TINAG: variants seen among roughly 807,000 people sequenced by gnomAD.
TINAG encodes the protein tubulointerstitial nephritis antigen.
TINAG carries 83 observed loss-of-function variants against 72.7 expected under a neutral mutation model. That is an observed-to-expected ratio of 1.14 (90% CI 0.96 to 1.37). TINAG has a LOEUF of 1.37. Among genes scored for constraint, TINAG ranks in the 40% most tolerant of loss-of-function variants. The pLI, the probability that TINAG is intolerant of heterozygous loss-of-function variation, is 0.00. For missense variants in TINAG, 685 were observed against 576.6 expected (o/e 1.19, Z -1.93); for synonymous variants, 234 against 189.9 (o/e 1.23, Z -1.91).
chr6:54,362,864 T>C (rs1763282810), intron 9 of TINAG, among the ~76,000 whole-genome samples: 2 of 151,468 alleles, frequency 1.3e-5, no homozygotes, highest in Admixed American at 6.6e-5. Context: ...TTCGAGACTT[T>C]AGTGGAGAAA....
intron 10 of TINAG, among the ~76,000 whole-genome samples, chr6:54,384,633 A>G (rs1183778624): frequency 6.6e-6 from 1 of 152,176 alleles, no homozygotes; most frequent in Non-Finnish European, 1.5e-5. Context: ...AATTTTATAC[A>G]TGGTGACATT....
chr6:54,342,566 C>T (rs1306602312), intron 4 of TINAG, among the ~76,000 whole-genome samples: 1 of 152,056 alleles, frequency 6.6e-6, no homozygotes, highest in Non-Finnish European at 1.5e-5. Context: ...GACGGGTTTT[C>T]ACCATGTTGG....
intron 4 of TINAG, among the ~76,000 whole-genome samples, chr6:54,339,023 C>T (rs916874775): frequency 1.3e-5 from 2 of 152,168 alleles, no homozygotes; most frequent in Admixed American, 6.5e-5. Context: ...GGAAATATCA[C>T]AGTTCATCCA....
chr6:54,360,471 T>C (rs971466755), intron 9 of TINAG, among the ~76,000 whole-genome samples: 8 of 151,670 alleles, frequency 5.3e-5, no homozygotes, highest in East Asian at 1.9e-4. Flanking sequence ...CAACAAAATA[T>C]GGTATTTCAG....
At chr6:54,363,062 T>C (rs566506927) in intron 9 of TINAG, among the ~76,000 whole-genome samples, 103 of 151,614 alleles carry the variant, frequency 6.8e-4, no homozygotes, top group Middle Eastern at 3.4e-3. Context: ...TGAGCTGGGA[T>C]TTATGGGTTG....
intron 3 of TINAG, among the ~76,000 whole-genome samples, chr6:54,322,558 G>C (rs1445541757): frequency 6.6e-6 from 1 of 152,182 alleles, no homozygotes; most frequent in Non-Finnish European, 1.5e-5. Flanking sequence ...ATCTGGAGAA[G>C]TATTTTTATA....
intron 9 of TINAG, among the ~76,000 whole-genome samples, chr6:54,363,246 G>A (rs779726904): frequency 1.3e-5 from 2 of 151,558 alleles, no homozygotes; most frequent in Non-Finnish European, 3.0e-5. Flanking sequence ...GATATAAAGA[G>A]CAAAGGAAAG....
chr6:54,318,707 G>A (rs1358692139), intron 1 of TINAG, among the ~76,000 whole-genome samples: 4 of 152,068 alleles, frequency 2.6e-5, no homozygotes, highest in Non-Finnish European at 2.9e-5. Context: ...TATTTTTGAC[G>A]ATCTCTGTAA....
chr6:54,320,426 GACA>G, intron 1 of TINAG, among the ~76,000 whole-genome samples, 150 bp from the exon 2 acceptor site: 1 of 152,110 alleles, frequency 6.6e-6, no homozygotes. Context: ...TACACACCTT[GACA>G]CAAACCTGAC....
At chr6:54,339,992 A>C (rs1170436492) in intron 4 of TINAG, among the ~76,000 whole-genome samples, 1 of 152,182 alleles carries the variant, frequency 6.6e-6, no homozygotes, top group Non-Finnish European at 1.5e-5. Flanking sequence ...GGTTCCTGAG[A>C]AAATTGATCA....
chr6:54,360,852 T>A lies in TINAG; in HGVS notation c.1250+6216T>A, dbSNP rs1189748955. On this transcript the variant is annotated intron_variant, in intron 9 of 10. Coordinates refer to ENST00000259782, the MANE Select transcript of TINAG (RefSeq NM_014464.4). ...TTCACAGATACTGTGTTTTTTTTTTTTTTTTTTTTTTTTTTTTTTTCAAAT... is the reference window on the plus strand; with the variant it reads ...TTCACAGATACTGTGTTTTTTTTTTATTTTTTTTTTTTTTTTTTTTCAAAT... Among the ~76,000 whole-genome samples, 3 of 107,218 alleles carry A rather than the reference T, an allele frequency of 2.8e-5. No individual in the cohort carries two copies. In the East Asian group the frequency reaches 7.9e-4, roughly 28 times the overall value. The allele number at this position is 107,218 out of a possible 152,430, so 70.3% of individuals were successfully genotyped here.
chr6:54,347,425 C>G lies in TINAG; in HGVS notation c.807C>G (p.Ser269=), dbSNP rs750569537. The change falls in exon 6 of 11, where the codon TCC becomes TCG. Residue 269 remains serine, a synonymous_variant. Transcript: ENST00000259782. ...QSKGRYTANL[S]PQNLISCCAK... ...AGGGTCGATACACGGCCAATCTATC[C>G]CCTCAGAATTTGATCTCTTGCTGTG... 4 of 1,613,230 alleles carry G rather than the reference C, an allele frequency of 2.5e-6. No homozygotes were observed. The highest frequency in any genetic ancestry group is 2.5e-6 in the Non-Finnish European group (3 of 1,179,556).
intron 1 of TINAG, among the ~76,000 whole-genome samples, chr6:54,310,898 C>CCTTT (rs199497895): frequency 1.8e-4 from 7 of 38,820 alleles, no homozygotes; most frequent in Non-Finnish European, 2.9e-4. Flanking sequence ...TATTTCTCTC[C>CCTTT]CTCTTTCTCT....
chr6:54,315,588 G>T (rs1784353477), intron 1 of TINAG, among the ~76,000 whole-genome samples: 1 of 151,932 alleles, frequency 6.6e-6, no homozygotes, highest in African/African-American at 2.4e-5. Flanking sequence ...GAGGCAGGAG[G>T]ATCCCTTAAG....
intron 6 of TINAG, among the ~76,000 whole-genome samples, chr6:54,349,423 CTTAATA>C (rs999353531): frequency 6.6e-6 from 1 of 151,862 alleles, no homozygotes; most frequent in African/African-American, 2.4e-5. Flanking sequence ...TTACCACAGA[CTTAATA>C]TTGACAGCCA....
At chr6:54,330,417 G>A (rs2150944383) in intron 4 of TINAG, among the ~76,000 whole-genome samples, 1 of 152,244 alleles carries the variant, frequency 6.6e-6, no homozygotes, top group Non-Finnish European at 1.5e-5. Context: ...TGAGAACAAA[G>A]ACACAACGTA....
rs779244809 is a variant in TINAG at position 54,308,919 on chromosome 6, A to T, written c.355+14A>T. 4 of 1,584,316 alleles carry T rather than the reference A, an allele frequency of 2.5e-6. No homozygotes were observed. In the South Asian group the frequency reaches 4.6e-5, roughly 18 times the overall value. On this transcript the variant is annotated intron_variant, in intron 1 of 10. Transcript: ENST00000259782. Reference sequence around the variant, plus strand: ...GGTATCCAGAAGGTAGGCTTTGGGAATGTGTTTCAACATCATCCTCGTTCA... The same window carrying T: ...GGTATCCAGAAGGTAGGCTTTGGGATTGTGTTTCAACATCATCCTCGTTCA...
chr6:54,334,631 G>A (rs1204678131), intron 4 of TINAG, among the ~76,000 whole-genome samples: 1 of 152,148 alleles, frequency 6.6e-6, no homozygotes, highest in Non-Finnish European at 1.5e-5. Flanking sequence ...AGCCAAGATT[G>A]AGAGAGGTTA....
chr6:54,310,796 TTCTC>T (rs1217445449), intron 1 of TINAG, among the ~76,000 whole-genome samples: 7 of 149,952 alleles, frequency 4.7e-5, no homozygotes, highest in South Asian at 4.3e-4. Flanking sequence ...TCTTTCTTTT[TTCTC>T]TCTCTCTTTC....
Sources: allele counts gnomAD v4.1 joint callset (sites outside exome capture counted in the v4.1 genomes callset), GRCh38; gene constraint gnomAD v4.1.1; transcripts MANE v1.5; gene names NCBI Gene and HGNC (gene_info 2026-07-23, HGNC 2026-07-21).